The following PLD5 variants were observed in gnomAD, a reference collection of about 807,000 sequenced individuals.
PLD5 encodes the protein inactive phospholipase D5.
Under a neutral mutation model 61.1 loss-of-function variants are expected in PLD5, and 36 were observed. The ratio of observed to expected loss-of-function variants is 0.59; its 90% CI spans 0.45 to 0.78. PLD5 has a LOEUF of 0.78. PLD5 is among the 30% of genes least tolerant of loss of function. The pLI, the probability that PLD5 is intolerant of heterozygous loss-of-function variation, is 0.00. For synonymous variants in PLD5, 243 were observed against 242.8 expected (o/e 1.00, Z -0.01); for missense variants, 515 against 644.4 (o/e 0.80, Z 2.17).
intron 1 of PLD5, among the ~76,000 whole-genome samples, chr1:242,496,674 A>G (rs1558148232): frequency 6.6e-6 from 1 of 152,220 alleles, no homozygotes; most frequent in South Asian, 2.1e-4. Context: ...TATGTATACA[A>G]TTGGTGTCTT....
chr1:242,419,958 A>G (rs1665047321), intron 1 of PLD5, among the ~76,000 whole-genome samples: 1 of 152,126 alleles, frequency 6.6e-6, no homozygotes, highest in South Asian at 2.1e-4. Flanking sequence ...GTCCCAGTAA[A>G]AACAGGTATT....
At chr1:242,457,774 C>T (rs1393232138) in intron 1 of PLD5, among the ~76,000 whole-genome samples, 4 of 152,198 alleles carry the variant, frequency 2.6e-5, no homozygotes, top group African/African-American at 9.7e-5. Flanking sequence ...TCTGCCTCCT[C>T]CTGGTTACAC....
chr1:242,417,211 A>G (rs1479444225), intron 1 of PLD5, among the ~76,000 whole-genome samples: 2 of 152,162 alleles, frequency 1.3e-5, no homozygotes, highest in African/African-American at 4.8e-5. Context: ...AGAACAAGCT[A>G]TAAAGAGGTA....
At chr1:242,319,351 T>C (rs1355568276) in intron 2 of PLD5, among the ~76,000 whole-genome samples, 1 of 150,530 alleles carries the variant, frequency 6.6e-6, no homozygotes, top group Admixed American at 6.6e-5. Context: ...AGATTATATA[T>C]AGTCCCTATA....
intron 4 of PLD5, among the ~76,000 whole-genome samples, chr1:242,243,149 C>A (rs745817595): frequency 6.6e-6 from 1 of 152,216 alleles, no homozygotes; most frequent in Non-Finnish European, 1.5e-5. Flanking sequence ...GGGGGATTGG[C>A]ACACACTTAA....
At chr1:242,357,545 G>A (rs747378208) in intron 1 of PLD5, among the ~76,000 whole-genome samples, 35 of 151,186 alleles carry the variant, frequency 2.3e-4, no homozygotes, top group Non-Finnish European at 4.4e-4. Flanking sequence ...GAGTGCAATG[G>A]CATTATCTTG....
In PLD5 at chr1:242,256,458, G is replaced by A. The variant is rs1178067102; in HGVS notation, c.607+8879C>T. On this transcript the variant is annotated intron_variant, in intron 4 of 9. Coordinates refer to ENST00000536534, the MANE Select transcript of PLD5 (RefSeq NM_001372062.1). This position sits in a 1 kb window ranked among gnomAD's most constrained non-coding sequence, Gnocchi z 5.7. ...GTGGTGGGGTCTTTGGAAAGTGACTGAGTCACGAATGTATTGGTGTCTTGT... is the reference window on the plus strand; with the variant it reads ...GTGGTGGGGTCTTTGGAAAGTGACTAAGTCACGAATGTATTGGTGTCTTGT... Among the ~76,000 whole-genome samples the A allele has an allele frequency of 6.6e-6, 1 of 152,214 alleles. No individual in the cohort carries two copies. The highest frequency in any genetic ancestry group is 1.5e-5 in the Non-Finnish European group (1 of 68,046).
At chr1:242,332,675 C>A (rs7553820) in intron 2 of PLD5, among the ~76,000 whole-genome samples, 134,848 of 152,226 alleles carry the variant, frequency 0.89, 59,908 homozygotes, top group East Asian at 0.95. Context: ...AAAGGAAAGA[C>A]AACCAAACTC....
At chr1:242,344,738 C>T (rs1015018732) in intron 2 of PLD5, among the ~76,000 whole-genome samples, 3 of 151,914 alleles carry the variant, frequency 2.0e-5, no homozygotes, top group Admixed American at 2.0e-4. Flanking sequence ...AGGTGTCCCA[C>T]ACCGAATTTA....
chr1:242,356,824 C>T (rs1282318687), intron 1 of PLD5, among the ~76,000 whole-genome samples: 1 of 152,044 alleles, frequency 6.6e-6, no homozygotes, highest in African/African-American at 2.4e-5. Flanking sequence ...CTTTTACTCC[C>T]CTCTTCCAAA....
At chr1:242,232,640 C>T (rs762539170) in intron 4 of PLD5, among the ~76,000 whole-genome samples, 7 of 151,820 alleles carry the variant, frequency 4.6e-5, no homozygotes, top group African/African-American at 9.7e-5. Context: ...GTCAGGAGTT[C>T]GAGACTAGCC....
In PLD5 at chr1:242,291,678, C is replaced by T. The variant is rs61640043; in HGVS notation, c.327-3148G>A. Among the ~76,000 whole-genome samples, 1,497 of 151,962 alleles carry T rather than the reference C, an allele frequency of 9.9e-3. 23 individuals carry two copies. The highest frequency in any genetic ancestry group is 0.034 in the African/African-American group (1,424 of 41,462). On this transcript the variant is annotated intron_variant, in intron 2 of 9. Coordinates refer to ENST00000536534, the MANE Select transcript of PLD5 (RefSeq NM_001372062.1). ...AAAATTAGCCAGGCGTGGTGGTGGG[C>T]GCCTGTAGTCCCAGCTACTCGGGAG... is the stretch of plus-strand genomic sequence containing the variant.
At chr1:242,162,550 C>G (rs946301979) in intron 5 of PLD5, among the ~76,000 whole-genome samples, 4 of 152,094 alleles carry the variant, frequency 2.6e-5, no homozygotes, top group Admixed American at 2.6e-4. Flanking sequence ...ATTTTATTTT[C>G]TCAGTCCTGC....
chr1:242,321,125 G>C (rs1163024319), intron 2 of PLD5, among the ~76,000 whole-genome samples: 1 of 152,080 alleles, frequency 6.6e-6, no homozygotes. Flanking sequence ...CCAGCAAACA[G>C]AAGTAACTCT....
intron 4 of PLD5, among the ~76,000 whole-genome samples, chr1:242,258,064 T>C (rs540807768): frequency 6.6e-6 from 1 of 152,378 alleles, no homozygotes; most frequent in Admixed American, 6.5e-5. Context: ...GGAGACTGTC[T>C]CTTCTCCAGT....
intron 1 of PLD5, among the ~76,000 whole-genome samples, chr1:242,451,998 C>A (rs950871793): frequency 4.6e-5 from 7 of 152,110 alleles, no homozygotes; most frequent in Non-Finnish European, 7.3e-5. Context: ...TTATTGTTGT[C>A]CCCACGGGGG....
At chr1:242,095,029 C>A (rs1301714648) in intron 9 of PLD5, among the ~76,000 whole-genome samples, 1 of 152,130 alleles carries the variant, frequency 6.6e-6, no homozygotes, top group Non-Finnish European at 1.5e-5. Flanking sequence ...CTCCACCTCC[C>A]AGGTTCAAGC....
At chr1:242,318,807 G>T (rs1658193707) in intron 2 of PLD5, among the ~76,000 whole-genome samples, 1 of 152,004 alleles carries the variant, frequency 6.6e-6, no homozygotes, top group East Asian at 1.9e-4. Context: ...TTTTTAAATT[G>T]TGGGAATGTT....
Position 242,411,274 on chromosome 1 carries a change from C to T in PLD5, c.190-63032G>A, listed in dbSNP as rs376492199. Among the ~76,000 whole-genome samples, 22 of 152,082 alleles carry T rather than the reference C, an allele frequency of 1.4e-4. No individual in the cohort carries two copies. In the East Asian group the frequency reaches 4.1e-3, roughly 28 times the overall value. ...TTTGTGAGACAGAGTCTCGCTCTAT[C>T]GCCCAGGCTGGAGTGCAGTGGCACG... On this transcript the variant is annotated intron_variant, in intron 1 of 9. Transcript: ENST00000536534.
Sources: gnomAD v4.1 joint callset for allele counts (sites outside exome capture counted in the v4.1 genomes callset) on GRCh38, gnomAD v4.1.1 for gene constraint, Gnocchi (gnomAD v3.1) non-coding constraint, MANE v1.5 for transcripts, NCBI Gene and HGNC (gene_info 2026-07-23, HGNC 2026-07-21) for gene names.